ZDHHC15: variants seen among roughly 807,000 people sequenced by gnomAD.
The protein encoded by ZDHHC15 is zDHHC palmitoyltransferase 15, also known as palmitoyltransferase ZDHHC15.
In ZDHHC15, 19 loss-of-function variants were observed where a neutral mutation model predicts 31.7. The ratio of observed to expected loss-of-function variants is 0.60; its 90% CI spans 0.42 to 0.88. The LOEUF is 0.88. ZDHHC15 is among the 40% of genes least tolerant of loss of function. The pLI, the probability that ZDHHC15 is intolerant of heterozygous loss-of-function variation, is 0.00. For missense variants in ZDHHC15, 209 were observed against 251.2 expected (o/e 0.83, Z 1.14); for synonymous variants, 103 against 90.0 (o/e 1.14, Z -0.82).
chrX:75,517,474 A>C (rs1410043867), intron 1 of ZDHHC15, among the ~76,000 whole-genome samples: 2 of 107,378 alleles, frequency 1.9e-5, no homozygotes, highest in Non-Finnish European at 3.8e-5. Flanking sequence ...ATTCTCAGCA[A>C]ACTATCGCAA....
intron 4 of ZDHHC15, among the ~76,000 whole-genome samples, chrX:75,443,157 C>G (rs2083970957): frequency 9.1e-6 from 1 of 110,312 alleles, no homozygotes; most frequent in African/African-American, 3.3e-5. Context: ...ATTGCCAAGT[C>G]AATCCTAAGC....
intron 2 of ZDHHC15, among the ~76,000 whole-genome samples, chrX:75,495,709 C>G (rs931304643): frequency 1.0e-5 from 1 of 99,383 alleles, no homozygotes; most frequent in African/African-American, 3.8e-5. Context: ...CATGTTCTCA[C>G]TCATAGGTGG....
intron 3 of ZDHHC15, among the ~76,000 whole-genome samples, chrX:75,456,685 A>T (rs1321991417): frequency 9.0e-6 from 1 of 110,767 alleles, no homozygotes; most frequent in Admixed American, 9.7e-5. Context: ...TTGACCCAGC[A>T]ATCCCGTTAC....
At chrX:75,463,153 G>A (rs906157832) in intron 3 of ZDHHC15, among the ~76,000 whole-genome samples, 1 of 110,700 alleles carries the variant, frequency 9.0e-6, no homozygotes, top group Non-Finnish European at 1.9e-5. Context: ...ACATAAATGA[G>A]AAAATTTAGA....
chrX:75,491,783 T>C (rs1040974310), intron 2 of ZDHHC15, among the ~76,000 whole-genome samples: 2 of 110,693 alleles, frequency 1.8e-5, no homozygotes, highest in Admixed American at 9.7e-5. Flanking sequence ...AAAGAGCTCC[T>C]GAAGGAAGCG....
intron 3 of ZDHHC15, among the ~76,000 whole-genome samples, chrX:75,478,657 G>A (rs1338732760): frequency 9.0e-6 from 1 of 111,641 alleles, no homozygotes; most frequent in Non-Finnish European, 1.9e-5. Flanking sequence ...GGGAATACAG[G>A]TGTGAGCCAC....
intron 10 of ZDHHC15, among the ~76,000 whole-genome samples, chrX:75,400,838 A>G (rs1348851683): frequency 8.9e-6 from 1 of 111,959 alleles, no homozygotes; most frequent in Admixed American, 9.4e-5. Flanking sequence ...CAACACTTAT[A>G]AAGAAAAAAA....
At chrX:75,431,419 C>A in intron 5 of ZDHHC15, 32 bp downstream of exon 5, 1 of 1,191,307 alleles carries the variant, frequency 8.4e-7, no homozygotes, top group Non-Finnish European at 1.1e-6. Context: ...AGTGGCCAAG[C>A]CCAGCCCAGG....
At chrX:75,389,491 T>G (rs1250703508) in intron 10 of ZDHHC15, among the ~76,000 whole-genome samples, 1 of 108,984 alleles carries the variant, frequency 9.2e-6, no homozygotes, top group Non-Finnish European at 1.9e-5. Flanking sequence ...AATAGAGGAC[T>G]TTGTCTTGTA....
intron 4 of ZDHHC15, among the ~76,000 whole-genome samples, chrX:75,442,116 T>A (rs2083950721): frequency 8.9e-6 from 1 of 112,355 alleles, no homozygotes; most frequent in African/African-American, 3.2e-5. Context: ...TAAACATTCT[T>A]TCTAAGTGTC....
At chrX:75,436,130 G>A (rs1255985773) in intron 4 of ZDHHC15, among the ~76,000 whole-genome samples, 1 of 111,033 alleles carries the variant, frequency 9.0e-6, no homozygotes. Context: ...TTGTGCCCAC[G>A]AATGTGTCCT....
At chrX:75,507,445 T>C (rs1188272027) in intron 1 of ZDHHC15, among the ~76,000 whole-genome samples, 1 of 111,416 alleles carries the variant, frequency 9.0e-6, no homozygotes, top group Non-Finnish European at 1.9e-5. Context: ...GGCACTTATC[T>C]TGGTACTTCT....
At chrX:75,495,189 A>G (rs1213714569) in intron 2 of ZDHHC15, among the ~76,000 whole-genome samples, 1 of 112,385 alleles carries the variant, frequency 8.9e-6, no homozygotes, top group Non-Finnish European at 1.9e-5. Context: ...AATGCTTATC[A>G]TCACTGGCAT....
chrX:75,402,130 C>T (rs1195202233), intron 10 of ZDHHC15, among the ~76,000 whole-genome samples: 4 of 112,143 alleles, frequency 3.6e-5, no homozygotes, highest in Non-Finnish European at 7.5e-5. Context: ...CAACATGCTC[C>T]TGAATGACTT....
In ZDHHC15 at chrX:75,511,579, T is replaced by G. The variant is rs1162219268; in HGVS notation, c.137-5732A>C. On this transcript the variant is annotated intron_variant, in intron 1 of 11. Transcript: ENST00000373367. The stretch of plus-strand genomic sequence containing the variant: ...TTTGCTGTGCAGAAGCTCTTTAGTT[T>G]AATTAGATCCCATTTGTCAATTTTG... Among the ~76,000 whole-genome samples, 11 of 96,330 alleles carry G rather than the reference T, an allele frequency of 1.1e-4. No individual in the cohort carries two copies. In the South Asian group the frequency reaches 2.3e-3, roughly 20 times the overall value. 83.7% of individuals were successfully genotyped at this position (96,330 alleles called of 115,157 possible). A position where few individuals can be genotyped will look rare whatever the true frequency, so the allele number is the denominator to read the frequency against.
chrX:75,491,535 C>T (rs1371349281), intron 2 of ZDHHC15, among the ~76,000 whole-genome samples: 62 of 106,418 alleles, frequency 5.8e-4, no homozygotes, highest in Non-Finnish European at 9.5e-4. Flanking sequence ...AAATGACGAG[C>T]TAATGGGTGC....
intron 3 of ZDHHC15, among the ~76,000 whole-genome samples, chrX:75,459,663 C>A (rs755713332): frequency 9.0e-6 from 1 of 111,687 alleles, no homozygotes; most frequent in Non-Finnish European, 1.9e-5. Flanking sequence ...GCTCTGATTT[C>A]TCCCTGGGAC....
chrX:75,493,230 C>A (rs186749966), intron 2 of ZDHHC15, among the ~76,000 whole-genome samples: 1,136 of 111,202 alleles, frequency 0.01, 19 homozygotes, highest in African/African-American at 0.035. Flanking sequence ...AAGACTAAAC[C>A]AGGAAGAAGT....
chrX:75,387,719 G>A (rs1033375739), intron 10 of ZDHHC15, among the ~76,000 whole-genome samples: 5 of 111,883 alleles, frequency 4.5e-5, no homozygotes, highest in African/African-American at 1.6e-4. Context: ...AGTTGAGCAA[G>A]AGCAAGGGGA....
Sources: gnomAD v4.1 joint callset for allele counts (sites outside exome capture counted in the v4.1 genomes callset) on GRCh38, gnomAD v4.1.1 for gene constraint, MANE v1.5 for transcripts, NCBI Gene and HGNC (gene_info 2026-07-23, HGNC 2026-07-21) for gene names.